LEPR: variants seen among roughly 807,000 people sequenced by gnomAD.
LEPR encodes OB receptor.
Under a neutral mutation model 114.7 loss-of-function variants are expected in LEPR, and 56 were observed. That is an observed-to-expected ratio of 0.49 (90% CI 0.39 to 0.61). LEPR has a LOEUF of 0.61. Among genes scored for constraint, LEPR ranks in the 20% least tolerant of loss-of-function variants. The pLI is 0.00. For synonymous variants in LEPR, 443 were observed against 461.4 expected, an observed-to-expected ratio of 0.96 and a Z score of 0.51; for missense variants, 1,202 against 1,352.9, an observed-to-expected ratio of 0.89 and a Z score of 1.75.
intron 2 of LEPR, among the ~76,000 whole-genome samples, chr1:65,531,515 A>G (rs1379563325): frequency 7.0e-6 from 1 of 142,028 alleles, no homozygotes; most frequent in African/African-American, 2.6e-5. Context: ...TGACTTTCTA[A>G]TTATCTTTTT....
At chr1:65,525,446 T>A (rs1353632114) in intron 2 of LEPR, among the ~76,000 whole-genome samples, 1 of 152,014 alleles carries the variant, frequency 6.6e-6, no homozygotes, top group African/African-American at 2.4e-5. Context: ...GCGCCGGGTC[T>A]CTCCTCCCGC....
chr1:65,545,169 G>T, intron 2 of LEPR, among the ~76,000 whole-genome samples: 1 of 145,806 alleles, frequency 6.9e-6, no homozygotes, highest in East Asian at 2.0e-4. Flanking sequence ...GTATTCCATG[G>T]TGTATATGTG....
chr1:65,598,731 G>C lies in LEPR; in HGVS notation c.921G>C (p.Gln307His), dbSNP rs531183918. 1.3e-4 allele frequency: 217 copies of C among 1,613,540 alleles called. 3 individuals are homozygous for C. The South Asian group carries it at 1.6e-3, about 12-fold the overall frequency. The change falls in exon 8 of 20, where the codon CAG (glutamine) becomes CAC (histidine). Residue 307 changes from glutamine (Q) to histidine (H), a missense_variant. Physicochemically the swap from Gln to His is conservative, Grantham distance 24. Transcript: ENST00000349533. ...SILPGSSYEV[Q>H]VRGKRLDGPG... ...TTCCTGGGTCTTCGTATGAGGTTCA[G>C]GTGAGGGGCAAGAGACTGGATGGCC...
At chr1:65,473,569 G>T (rs890843905) in intron 2 of LEPR, among the ~76,000 whole-genome samples, 22 of 152,126 alleles carry the variant, frequency 1.4e-4, no homozygotes, top group African/African-American at 5.3e-4. Flanking sequence ...GCAGCATATT[G>T]GTTAAGACAT....
In LEPR at chr1:65,496,305, G is replaced by T. The variant is rs562718937; in HGVS notation, c.-20-69241G>T. On this transcript the variant is annotated intron_variant, in intron 2 of 19. Transcript: ENST00000349533. ...TTTTATTTTAGGGCCAGGTATGGTGGCACATGCTTATAATCCCAGGACTTT... is the reference window on the plus strand; with the variant it reads ...TTTTATTTTAGGGCCAGGTATGGTGTCACATGCTTATAATCCCAGGACTTT... Among the ~76,000 whole-genome samples the T allele has an allele frequency of 4.6e-5, 7 of 152,270 alleles. No individual in the cohort carries two copies. In the South Asian group the frequency reaches 1.5e-3, roughly 32 times the overall value.
chr1:65,526,105 A>G (rs1649945163), intron 2 of LEPR: 1 of 984,242 alleles, frequency 1.0e-6, no homozygotes, highest in Non-Finnish European at 1.2e-6. Flanking sequence ...CCTGCTCGGG[A>G]CCACCGAGAG....
At chr1:65,549,635 A>C (rs1409990932) in intron 2 of LEPR, among the ~76,000 whole-genome samples, 2 of 152,100 alleles carry the variant, frequency 1.3e-5, no homozygotes, top group African/African-American at 4.8e-5. Flanking sequence ...TTCTTCACGT[A>C]GTTCTCGAGC....
intron 2 of LEPR, among the ~76,000 whole-genome samples, chr1:65,500,836 T>G (rs1379030504): frequency 1.3e-5 from 2 of 152,138 alleles, no homozygotes; most frequent in Non-Finnish European, 2.9e-5. Flanking sequence ...TACCTTCCAT[T>G]TCTGCACTTT....
chr1:65,463,569 G>A (rs1183496242), intron 2 of LEPR, among the ~76,000 whole-genome samples: 1 of 152,140 alleles, frequency 6.6e-6, no homozygotes, highest in African/African-American at 2.4e-5. Context: ...GAAAGTCAGT[G>A]GTAGCTTGAT....
intron 8 of LEPR, among the ~76,000 whole-genome samples, chr1:65,599,623 G>C (rs773972811): frequency 1.3e-5 from 2 of 152,012 alleles, no homozygotes; most frequent in African/African-American, 2.4e-5. Context: ...AGGAGTTCTG[G>C]CTCCACCACT....
At chr1:65,483,186 G>T (rs1455382915) in intron 2 of LEPR, among the ~76,000 whole-genome samples, 1 of 151,878 alleles carries the variant, frequency 6.6e-6, no homozygotes, top group Non-Finnish European at 1.5e-5. Context: ...CTTGGAGAAT[G>T]TTGTGTGTGT....
intron 2 of LEPR, among the ~76,000 whole-genome samples, chr1:65,521,930 T>C (rs1207274822): frequency 6.6e-6 from 1 of 152,242 alleles, no homozygotes; most frequent in Non-Finnish European, 1.5e-5. Context: ...TGAAACCCCG[T>C]CTCTACTAAA....
chr1:65,568,559 T>A (rs1653934708), intron 3 of LEPR, among the ~76,000 whole-genome samples: 2 of 152,138 alleles, frequency 1.3e-5, no homozygotes, highest in South Asian at 4.2e-4. Context: ...CCACTTTTTT[T>A]AATGCAGTCA....
intron 2 of LEPR, among the ~76,000 whole-genome samples, chr1:65,426,937 G>T (rs1054057749): frequency 3.3e-5 from 5 of 152,024 alleles, no homozygotes; most frequent in Admixed American, 3.3e-4. Flanking sequence ...GGTGGAGGTT[G>T]TAGTGAGCCA....
At chr1:65,474,292 G>A (rs1219316897) in intron 2 of LEPR, among the ~76,000 whole-genome samples, 1 of 152,158 alleles carries the variant, frequency 6.6e-6, no homozygotes, top group Non-Finnish European at 1.5e-5. Context: ...GACACCTGGG[G>A]CTCAGCACTA....
At chr1:65,471,635 C>CA (rs1647084485) in intron 2 of LEPR, among the ~76,000 whole-genome samples, 1 of 152,052 alleles carries the variant, frequency 6.6e-6, no homozygotes, top group African/African-American at 2.4e-5. Context: ...GATGGACAAA[C>CA]AGAGAATCAT....
chr1:65,591,792 G>A (rs1320283125), intron 5 of LEPR, among the ~76,000 whole-genome samples: 1 of 151,984 alleles, frequency 6.6e-6, no homozygotes, highest in Non-Finnish European at 1.5e-5. Context: ...TAAATGGGAT[G>A]TTAAGGCTGT....
At chr1:65,438,758 A>C (rs948227483) in intron 2 of LEPR, among the ~76,000 whole-genome samples, 2 of 151,788 alleles carry the variant, frequency 1.3e-5, no homozygotes, top group Admixed American at 1.3e-4. Context: ...ATTTATCCTC[A>C]TGCAGGTTGG....
rs1192017244 is a variant in LEPR at position 65,638,986 on chromosome 1, G to A, written c.*1971G>A. 1 of 152,112 alleles carries A rather than the reference G, an allele frequency of 6.6e-6. No homozygotes were observed. Among genetic ancestry groups the A allele is most frequent in the East Asian group, 1.9e-4 (1 of 5,200 alleles). 9.4% of individuals were successfully genotyped at this position (152,112 alleles called of 1,614,324 possible). A position where few individuals can be genotyped will look rare whatever the true frequency, so the allele number is the denominator to read the frequency against. On this transcript the variant is annotated 3_prime_UTR_variant, in exon 20 of 20. Transcript: ENST00000349533. ...TATAGATTATTGGTATTTAATTGAA[G>A]GTACAGTACAGAAGAGATAGAAAAA...
Sources: gnomAD v4.1 joint callset for allele counts (sites outside exome capture counted in the v4.1 genomes callset) on GRCh38, gnomAD v4.1.1 for gene constraint, MANE v1.5 for transcripts, NCBI Gene and HGNC (gene_info 2026-07-23, HGNC 2026-07-21) for gene names.